INPP4B: variants seen among roughly 807,000 people sequenced by gnomAD.
The protein encoded by INPP4B is inositol polyphosphate 4-phosphatase type II.
INPP4B carries 55 observed loss-of-function variants against 122.5 expected under a neutral mutation model. The ratio of observed to expected loss-of-function variants is 0.45; its 90% CI spans 0.36 to 0.56. The LOEUF (loss-of-function observed/expected upper bound fraction) is 0.56. Among genes scored for constraint, INPP4B ranks in the 20% least tolerant of loss-of-function variants. The pLI is 0.00. For missense variants in INPP4B, 1,000 were observed against 1,097.7 expected (o/e 0.91, Z 1.26); for synonymous variants, 403 against 388.7 (o/e 1.04, Z -0.43).
At chr4:142,406,782 G>T (rs1484237556) in intron 5 of INPP4B, among the ~76,000 whole-genome samples, 1 of 152,054 alleles carries the variant, frequency 6.6e-6, no homozygotes, top group Non-Finnish European at 1.5e-5. Flanking sequence ...TATTTTTGAG[G>T]CATTTTGCTA....
chr4:142,553,330 C>T (rs997434515), intron 2 of INPP4B, among the ~76,000 whole-genome samples: 2 of 152,196 alleles, frequency 1.3e-5, no homozygotes, highest in Non-Finnish European at 2.9e-5. Context: ...CTTGATGTCT[C>T]TATTTATATG....
At chr4:142,202,056 A>G (rs920950729) in intron 14 of INPP4B, among the ~76,000 whole-genome samples, 3 of 152,036 alleles carry the variant, frequency 2.0e-5, no homozygotes, top group African/African-American at 7.2e-5. Context: ...CCTTTTTGAC[A>G]TTTTATAGTG....
chr4:142,720,764 T>TATATATATA (rs1560996422), intron 2 of INPP4B, among the ~76,000 whole-genome samples: 5 of 12,278 alleles, frequency 4.1e-4, no homozygotes, highest in Admixed American at 1.4e-3. Context: ...ATATATAATC[T>TATATATATA]CTCTCTCTCT....
intron 15 of INPP4B, among the ~76,000 whole-genome samples, chr4:142,174,358 C>T (rs1250331423): frequency 6.6e-6 from 1 of 152,052 alleles, no homozygotes; most frequent in East Asian, 1.9e-4. Context: ...GTGCTTGGCA[C>T]AGAAATAGCA....
chr4:142,245,668 C>T (rs1221500143), intron 11 of INPP4B, among the ~76,000 whole-genome samples: 1 of 151,786 alleles, frequency 6.6e-6, no homozygotes, highest in Non-Finnish European at 1.5e-5. Flanking sequence ...ATGGTACCTG[C>T]TCCTCTTTGC....
intron 2 of INPP4B, among the ~76,000 whole-genome samples, chr4:142,722,762 T>G (rs1764851695): frequency 6.6e-6 from 1 of 152,172 alleles, no homozygotes; most frequent in Non-Finnish European, 1.5e-5. Flanking sequence ...CATTGTATGG[T>G]ATATATCAGA....
Position 142,608,487 on chromosome 4 carries a change from C to T in INPP4B, c.-191+117352G>A, listed in dbSNP as rs150114738. Among the ~76,000 whole-genome samples, 778 of 152,228 alleles carry T rather than the reference C, an allele frequency of 5.1e-3. 6 individuals are homozygous for T. Among genetic ancestry groups the T allele is most frequent in the African/African-American group, 0.017 (705 of 41,564 alleles). On this transcript the variant is annotated intron_variant, in intron 2 of 25. Coordinates refer to ENST00000262992, the MANE Select transcript of INPP4B (RefSeq NM_001101669.3). ...AACTACATTTTTCTTTCTTAATACC[C>T]TATAATCTTCCACCCATTGCACTTG...
intron 2 of INPP4B, among the ~76,000 whole-genome samples, chr4:142,598,524 G>A (rs1052701691): frequency 1.3e-5 from 2 of 152,154 alleles, no homozygotes; most frequent in Non-Finnish European, 2.9e-5. Flanking sequence ...AAGGACTACA[G>A]TGGCACAGCA....
rs988745276 is a variant in INPP4B, at chr4:142,577,054, T to G, written c.-190-114328A>C. On this transcript the variant is annotated intron_variant, in intron 2 of 25. Transcript: ENST00000262992. ...TAAAGTATCCAATAGTCTATTAAAT[T>G]TCATATAGTCACTGATTTCTTAATA... Among the ~76,000 whole-genome samples, 11 of 152,144 alleles carry G rather than the reference T, an allele frequency of 7.2e-5. No homozygotes were observed. The East Asian group carries it at 2.1e-3, about 29-fold the overall frequency.
intron 2 of INPP4B, among the ~76,000 whole-genome samples, chr4:142,503,719 C>A (rs1268691711): frequency 6.6e-6 from 1 of 151,656 alleles, no homozygotes; most frequent in Non-Finnish European, 1.5e-5. Context: ...AATAGAAGAC[C>A]AATAAGGAGG....
intron 25 of INPP4B, chr4:142,030,266 A>G: frequency 1.3e-6 from 2 of 1,535,588 alleles, no homozygotes; most frequent in Non-Finnish European, 1.7e-6. Flanking sequence ...CTGTTTCAGG[A>G]TCATCGGATT....
chr4:142,298,985 C>T (rs2322690), intron 9 of INPP4B, among the ~76,000 whole-genome samples: 8,989 of 152,066 alleles, frequency 0.059, 907 homozygotes, highest in African/African-American at 0.2. Context: ...CCTCTCCCTA[C>T]ATGTTTATGA....
At chr4:142,632,010 T>G (rs1748078794) in intron 2 of INPP4B, among the ~76,000 whole-genome samples, 1 of 152,132 alleles carries the variant, frequency 6.6e-6, no homozygotes, top group Admixed American at 6.6e-5. Context: ...GTATATGTGC[T>G]CCAGCAAGAC....
At chr4:142,549,263 T>G (rs1727396839) in intron 2 of INPP4B, among the ~76,000 whole-genome samples, 1 of 152,116 alleles carries the variant, frequency 6.6e-6, no homozygotes, top group African/African-American at 2.4e-5. Flanking sequence ...TCACTGTTGT[T>G]GGTGATGAAA....
rs1172042059 is a variant in INPP4B, at chr4:142,730,099, C to G, written c.-253-4198G>C. Among the ~76,000 whole-genome samples, 6 of 152,112 alleles carry G rather than the reference C, an allele frequency of 3.9e-5. No individual in the cohort carries two copies. The East Asian group carries it at 1.2e-3, about 29-fold the overall frequency. On this transcript the variant is annotated intron_variant, in intron 1 of 25. Transcript: ENST00000262992. ...CTCCTTGTGTATATTTCGAGTACAC[C>G]TTCAGTTCACTCCATAAAATCTTCC... is the stretch of plus-strand genomic sequence containing the variant.
At chr4:142,336,740 G>T (rs886611312) in intron 7 of INPP4B, among the ~76,000 whole-genome samples, 2 of 152,224 alleles carry the variant, frequency 1.3e-5, no homozygotes, top group Admixed American at 1.3e-4. Flanking sequence ...AGTGGGCAGA[G>T]AAAGCCCAGC....
At chr4:142,095,207 G>A (rs2152578947) in intron 23 of INPP4B, among the ~76,000 whole-genome samples, 1 of 152,184 alleles carries the variant, frequency 6.6e-6, no homozygotes, top group South Asian at 2.1e-4. Flanking sequence ...TGCAGAATTG[G>A]GAGAATGATA....
intron 2 of INPP4B, among the ~76,000 whole-genome samples, chr4:142,667,255 T>A (rs896811706): frequency 5.3e-5 from 8 of 152,174 alleles, no homozygotes; most frequent in African/African-American, 1.9e-4. Context: ...ACATTTTAGT[T>A]TTTTCTTGTT....
intron 5 of INPP4B, among the ~76,000 whole-genome samples, chr4:142,425,045 T>G (rs2149334803): frequency 6.6e-6 from 1 of 152,192 alleles, no homozygotes; most frequent in Non-Finnish European, 1.5e-5. Context: ...AAACCTATGG[T>G]GAAGGAGTCA....
Sources: allele counts gnomAD v4.1 joint callset (sites outside exome capture counted in the v4.1 genomes callset), GRCh38; gene constraint gnomAD v4.1.1; transcripts MANE v1.5; gene names NCBI Gene and HGNC (gene_info 2026-07-23, HGNC 2026-07-21).